Variants in KCTD8 observed in about 807,000 individuals in gnomAD.
KCTD8 encodes BTB/POZ domain-containing protein KCTD8.
A neutral mutation model predicts 31.5 loss-of-function variants in KCTD8; 27 were observed. The observed-to-expected ratio is 0.86, with a 90% CI of 0.63 to 1.18. The LOEUF is 1.18. Among genes scored for constraint, KCTD8 ranks in the 50% most tolerant of loss-of-function variants. The pLI is 0.00. For missense variants in KCTD8, 658 were observed against 647.7 expected (o/e 1.02, Z -0.17); for synonymous variants, 290 against 280.0 (o/e 1.04, Z -0.36).
At chr4:44,327,259 A>C (rs531826670) in intron 1 of KCTD8, among the ~76,000 whole-genome samples, 1 of 151,996 alleles carries the variant, frequency 6.6e-6, no homozygotes, top group South Asian at 2.1e-4. Context: ...GTATCTGTGA[A>C]AACAACTTAA....
chr4:44,270,147 T>A (rs1392374910), intron 1 of KCTD8, among the ~76,000 whole-genome samples: 1 of 151,936 alleles, frequency 6.6e-6, no homozygotes, highest in Non-Finnish European at 1.5e-5. Context: ...AACCCAAATG[T>A]CCAACAATGA....
intron 1 of KCTD8, among the ~76,000 whole-genome samples, chr4:44,370,518 G>A (rs956104755): frequency 6.6e-6 from 1 of 152,072 alleles, no homozygotes; most frequent in African/African-American, 2.4e-5. Context: ...AGGATCACAG[G>A]ATTTTTCTAT....
At position 44,448,011 on chromosome 4, in the gene KCTD8, C is replaced by A; in HGVS notation, c.513G>T (p.Gln171His). ...GCAGCAGCAGCGCGTCGCTGCTACC[C>A]TGCGAGACGTTGTCCTCCAGGTCGC... ...CQSDLEDNVS[Q>H]GSSDALLLRG... Residue 171 changes from glutamine to histidine, a missense_variant, in exon 1 of 2, where the codon CAG becomes CAT. By Grantham distance (24) the Gln-to-His change is conservative (BLOSUM62 0). Coordinates refer to ENST00000360029, the MANE Select transcript of KCTD8 (RefSeq NM_198353.3). The surrounding 1 kb of genome is among the most constrained non-coding windows in gnomAD (Gnocchi z 4.1). The A allele has an allele frequency of 6.3e-7, 1 of 1,594,656 alleles. No homozygotes were observed. Among genetic ancestry groups the A allele is most frequent in the Non-Finnish European group, 8.5e-7 (1 of 1,170,780 alleles).
At chr4:44,265,823 T>A (rs1177853843) in intron 1 of KCTD8, among the ~76,000 whole-genome samples, 1 of 151,100 alleles carries the variant, frequency 6.6e-6, no homozygotes, top group East Asian at 1.9e-4. Context: ...TGAAATGAAG[T>A]GAGAAGGGAA....
chr4:44,217,814 T>C (rs113021327), intron 1 of KCTD8, among the ~76,000 whole-genome samples: 135 of 152,248 alleles, frequency 8.9e-4, no homozygotes, highest in African/African-American at 2.9e-3. Context: ...CTTATACCAG[T>C]GGTTTGCCAG....
rs908563245 is a variant in KCTD8 at position 44,207,214 on chromosome 4, T to C, written c.962-31964A>G. Among the ~76,000 whole-genome samples, 5 of 152,186 alleles carry C rather than the reference T, an allele frequency of 3.3e-5. No individual in the cohort carries two copies. The South Asian group carries it at 1.0e-3, about 31-fold the overall frequency. ...GTGCCTGCACCCAGTAAGTATTCAA[T>C]AAATATTGTAAAATAAATTAAAGCT... On this transcript the variant is annotated intron_variant, in intron 1 of 1. Transcript: ENST00000360029.
At chr4:44,373,433 G>C (rs1021488162) in intron 1 of KCTD8, among the ~76,000 whole-genome samples, 1 of 151,720 alleles carries the variant, frequency 6.6e-6, no homozygotes, top group Non-Finnish European at 1.5e-5. Context: ...TCAAATCCCA[G>C]CTCTGCAACT....
At chr4:44,421,467 T>C (rs1721208591) in intron 1 of KCTD8, among the ~76,000 whole-genome samples, 1 of 152,108 alleles carries the variant, frequency 6.6e-6, no homozygotes, top group Non-Finnish European at 1.5e-5. Flanking sequence ...AGTATATCTC[T>C]TGCAGAGCCC....
intron 1 of KCTD8, among the ~76,000 whole-genome samples, chr4:44,352,226 T>C (rs904415528): frequency 6.6e-6 from 1 of 151,970 alleles, no homozygotes; most frequent in African/African-American, 2.4e-5. Flanking sequence ...TATTCCTCAG[T>C]GGTCTGTTTG....
chr4:44,265,374 A>G (rs981280998), intron 1 of KCTD8, among the ~76,000 whole-genome samples: 2 of 152,192 alleles, frequency 1.3e-5, no homozygotes, highest in Non-Finnish European at 2.9e-5. Flanking sequence ...AAGGACATCC[A>G]CACCAAAAAC....
intron 1 of KCTD8, among the ~76,000 whole-genome samples, chr4:44,381,068 T>C (rs552311944): frequency 6.6e-6 from 1 of 152,154 alleles, no homozygotes; most frequent in South Asian, 2.1e-4. Context: ...CCCCATTAGA[T>C]TTCAAAATCT....
chr4:44,268,483 C>A (rs1222457825), intron 1 of KCTD8, among the ~76,000 whole-genome samples: 11 of 152,092 alleles, frequency 7.2e-5, no homozygotes, highest in Non-Finnish European at 1.5e-4. Flanking sequence ...AAAACTGGCA[C>A]AAGACAGGGA....
intron 1 of KCTD8, among the ~76,000 whole-genome samples, chr4:44,385,802 A>G (rs1391472173): frequency 6.6e-6 from 1 of 151,696 alleles, no homozygotes; most frequent in East Asian, 1.9e-4. Context: ...CAAATCATGT[A>G]TCTGAAAAGG....
intron 1 of KCTD8, among the ~76,000 whole-genome samples, chr4:44,309,536 T>C (rs573367665): frequency 7.9e-5 from 12 of 152,332 alleles, no homozygotes; most frequent in African/African-American, 2.6e-4. Context: ...CTTTCAGCTA[T>C]GCTTAATTCT....
chr4:44,277,312 G>C (rs954930988), intron 1 of KCTD8, among the ~76,000 whole-genome samples: 6 of 151,650 alleles, frequency 4.0e-5, no homozygotes, highest in African/African-American at 1.5e-4. Context: ...ATTTATATTA[G>C]CATATAAAGG....
chr4:44,271,669 T>C (rs1716607832), intron 1 of KCTD8, among the ~76,000 whole-genome samples: 1 of 152,120 alleles, frequency 6.6e-6, no homozygotes, highest in African/African-American at 2.4e-5. Flanking sequence ...CCACAAACAA[T>C]AGCATGAGCG....
At chr4:44,369,159 G>A (rs1156653075) in intron 1 of KCTD8, among the ~76,000 whole-genome samples, 1 of 152,118 alleles carries the variant, frequency 6.6e-6, no homozygotes, top group Non-Finnish European at 1.5e-5. Context: ...GAATGAGAAT[G>A]GATTAAAGAA....
At chr4:44,219,753 A>G (rs1372460524) in intron 1 of KCTD8, among the ~76,000 whole-genome samples, 1 of 152,200 alleles carries the variant, frequency 6.6e-6, no homozygotes, top group Admixed American at 6.5e-5. Flanking sequence ...TAATGACTTT[A>G]TAATTAAATA....
At chr4:44,332,306 G>A (rs1462933767) in intron 1 of KCTD8, among the ~76,000 whole-genome samples, 1 of 151,878 alleles carries the variant, frequency 6.6e-6, no homozygotes, top group African/African-American at 2.4e-5. Context: ...GACTGGATCT[G>A]CTCTGTTGGA....
Sources: allele counts gnomAD v4.1 joint callset (sites outside exome capture counted in the v4.1 genomes callset), GRCh38; gene constraint gnomAD v4.1.1; non-coding constraint Gnocchi (gnomAD v3.1); transcripts MANE v1.5; gene names NCBI Gene and HGNC (gene_info 2026-07-23, HGNC 2026-07-21).